CD82: variants seen among roughly 807,000 people sequenced by gnomAD.
CD82 encodes the protein CD82 antigen.
CD82 carries 36 observed loss-of-function variants against 37.4 expected under a neutral mutation model. The observed-to-expected ratio is 0.96, with a 90% CI of 0.74 to 1.27. The LOEUF (loss-of-function observed/expected upper bound fraction) is 1.27. CD82 is among the 50% of genes most tolerant of loss of function. The pLI is 0.00. For missense variants in CD82, 340 were observed against 347.0 expected (o/e 0.98, Z 0.16); for synonymous variants, 158 against 137.4 (o/e 1.15, Z -1.05).
chr11:44,580,638 C>T (rs180723984), intron 1 of CD82, among the ~76,000 whole-genome samples: 105 of 152,156 alleles, frequency 6.9e-4, no homozygotes, highest in Non-Finnish European at 1.4e-3. Flanking sequence ...TCTTGAACCC[C>T]GGAGGCAGAG....
intron 1 of CD82, among the ~76,000 whole-genome samples, chr11:44,567,307 G>T (rs1852749854): frequency 6.6e-6 from 1 of 152,182 alleles, no homozygotes. Flanking sequence ...TGGGAGATAA[G>T]CTGTACAGTA....
chr11:44,589,634 G>A (rs1853110423), intron 2 of CD82, among the ~76,000 whole-genome samples: 1 of 152,186 alleles, frequency 6.6e-6, no homozygotes, highest in African/African-American at 2.4e-5. Context: ...GTCCAGTTGG[G>A]AGTTCCACTC....
At chr11:44,590,123 G>T (rs182826253) in intron 2 of CD82, among the ~76,000 whole-genome samples, 1 of 151,748 alleles carries the variant, frequency 6.6e-6, no homozygotes, top group African/African-American at 2.4e-5. Flanking sequence ...GTGAGCCACC[G>T]CGCCTGGCGA....
chr11:44,567,204 G>A (rs12362531), intron 1 of CD82, among the ~76,000 whole-genome samples: 75,924 of 151,828 alleles, frequency 0.5, 19,433 homozygotes, highest in Middle Eastern at 0.57. Flanking sequence ...CTTGGGATGG[G>A]GGCGAGGGGC....
chr11:44,591,737 G>T (rs1483986205), intron 2 of CD82, among the ~76,000 whole-genome samples: 1 of 152,204 alleles, frequency 6.6e-6, no homozygotes. Context: ...GATGATGGGG[G>T]ATGATGTCTG....
chr11:44,611,020 A>T (rs552095202), intron 6 of CD82, among the ~76,000 whole-genome samples: 91 of 152,162 alleles, frequency 6.0e-4, no homozygotes, highest in Non-Finnish European at 1.2e-3. Context: ...TTTTTAGTAG[A>T]GATGGGGTTT....
intron 1 of CD82, chr11:44,587,186 A>G: frequency 2.9e-6 from 1 of 344,342 alleles, no homozygotes; most frequent in South Asian, 2.2e-5. Flanking sequence ...GAGGGATGTC[A>G]GCCTTCTGAG....
chr11:44,608,259 T>C (rs1853428674), intron 6 of CD82, among the ~76,000 whole-genome samples: 1 of 152,120 alleles, frequency 6.6e-6, no homozygotes, highest in Non-Finnish European at 1.5e-5. Flanking sequence ...AGGGCTCCCG[T>C]GCAGGTGGGT....
intron 2 of CD82, among the ~76,000 whole-genome samples, chr11:44,593,101 T>C (rs773568958): frequency 1.9e-4 from 29 of 152,194 alleles, no homozygotes; most frequent in Non-Finnish European, 3.4e-4. Context: ...ACCTTCCCCA[T>C]CACCGGAGGT....
intron 3 of CD82, 157 bp downstream of exon 3, chr11:44,594,882 G>A (rs965843231): frequency 1.6e-6 from 1 of 641,258 alleles, no homozygotes; most frequent in African/African-American, 1.8e-5. Flanking sequence ...CCTAGTTGGG[G>A]TGGTGAGGAG....
chr11:44,566,716 C>G (rs923251594), intron 1 of CD82, among the ~76,000 whole-genome samples: 1 of 152,186 alleles, frequency 6.6e-6, no homozygotes, highest in Non-Finnish European at 1.5e-5. Flanking sequence ...TGCCAGGAAA[C>G]CAGTGAGACC....
intron 1 of CD82, among the ~76,000 whole-genome samples, chr11:44,569,709 C>T (rs1407424548): frequency 6.6e-6 from 1 of 152,136 alleles, no homozygotes; most frequent in African/African-American, 2.4e-5. Context: ...CTATTTTTAC[C>T]TTGTTTCCCC....
At chr11:44,599,164 G>A (rs1458466224) in intron 3 of CD82, among the ~76,000 whole-genome samples, 1 of 152,146 alleles carries the variant, frequency 6.6e-6, no homozygotes, top group Non-Finnish European at 1.5e-5. Context: ...TTTGTGGGGG[G>A]CAGAGTGAGG....
chr11:44,613,923 G>T (rs1322922175), intron 6 of CD82, among the ~76,000 whole-genome samples: 1 of 152,168 alleles, frequency 6.6e-6, no homozygotes, highest in East Asian at 1.9e-4. Flanking sequence ...TCACACTCCG[G>T]CTGGCTGGCA....
intron 1 of CD82, among the ~76,000 whole-genome samples, chr11:44,574,260 C>G (rs1852856746): frequency 6.6e-6 from 1 of 152,212 alleles, no homozygotes; most frequent in East Asian, 1.9e-4. Flanking sequence ...ATCCAGTCAA[C>G]CTACCTGCCC....
chr11:44,603,264 G>A (rs528268838), intron 4 of CD82, among the ~76,000 whole-genome samples: 63 of 152,284 alleles, frequency 4.1e-4, no homozygotes, highest in African/African-American at 1.5e-3. Flanking sequence ...GTTGGCCAGG[G>A]CTCTTCCTGA....
At chr11:44,569,869 C>A (rs960590453) in intron 1 of CD82, among the ~76,000 whole-genome samples, 5 of 152,142 alleles carry the variant, frequency 3.3e-5, no homozygotes. Flanking sequence ...AGTTTTTGAA[C>A]CTGCAAATGG....
chr11:44,605,153 G>A lies in CD82; in HGVS notation c.232G>A (p.Val78Ile), dbSNP rs1231014337. ...LMGFLGCIGAVNEVRCLLGLY... is the reference protein window; with the variant it reads ...LMGFLGCIGAINEVRCLLGLY... ...GGGCTTCCTGGGCTGCATCGGCGCCGTCAACGAGGTCCGCTGCCTGCTGGG... is the reference window on the plus strand; with the variant it reads ...GGGCTTCCTGGGCTGCATCGGCGCCATCAACGAGGTCCGCTGCCTGCTGGG... Residue 78 changes from valine (V) to isoleucine (I), a missense_variant, in exon 5 of 10, where the codon GTC becomes ATC. Physicochemically the swap from Val to Ile is conservative, Grantham distance 29. Transcript: ENST00000227155. 21 of 1,614,118 alleles carry A rather than the reference G, an allele frequency of 1.3e-5. No homozygotes were observed. The highest frequency in any genetic ancestry group is 3.3e-5 in the Admixed American group (2 of 60,020).
At chr11:44,617,771 G>A (rs1401752786) in intron 7 of CD82, among the ~76,000 whole-genome samples, 2 of 152,112 alleles carry the variant, frequency 1.3e-5, no homozygotes, top group Non-Finnish European at 2.9e-5. Flanking sequence ...CCTGTGAGTT[G>A]GGGATTTTAA....
Sources: allele counts gnomAD v4.1 joint callset (sites outside exome capture counted in the v4.1 genomes callset), GRCh38; gene constraint gnomAD v4.1.1; transcripts MANE v1.5; gene names NCBI Gene and HGNC (gene_info 2026-07-23, HGNC 2026-07-21).